PHLDB2: variants seen among roughly 807,000 people sequenced by gnomAD.
PHLDB2 encodes the protein pleckstrin homology like domain family B member 2.
Under a neutral mutation model 123.6 loss-of-function variants are expected in PHLDB2, and 71 were observed. The observed-to-expected ratio is 0.57, with a 90% confidence interval of 0.47 to 0.70. The LOEUF (loss-of-function observed/expected upper bound fraction) is 0.70, where lower values mean the gene tolerates loss of function less well. PHLDB2 is among the 30% of genes least tolerant of loss of function. The pLI, the probability that PHLDB2 is intolerant of heterozygous loss-of-function variation, is 0.00. For synonymous variants in PHLDB2, 547 were observed against 541.6 expected (o/e 1.01, Z -0.14); for missense variants, 1,446 against 1,519.5 (o/e 0.95, Z 0.80).
rs569992771 is a variant in PHLDB2 at position 111,885,562 on chromosome 3, CCTT to C, written c.1335+158_1335+160del. The C allele has an allele frequency of 3.1e-3, 3,154 of 1,003,920 alleles. 11 individuals are homozygous for C. The highest frequency in any genetic ancestry group is 3.5e-3 in the Non-Finnish European group (2,310 of 654,760). 62.2% of individuals were successfully genotyped at this position (1,003,920 alleles called of 1,614,324 possible). Reference sequence around the variant, plus strand: ...CTATCTTTCTCTTCTCTCCTGCTATCCTTCTTCTTCCCATATCACTATTAATAG... The same window carrying C: ...CTATCTTTCTCTTCTCTCCTGCTATCCTTCTTCCCATATCACTATTAATAG... On this transcript the variant is annotated intron_variant, in intron 2 of 17. Transcript: ENST00000431670.
At chr3:111,933,525 C>G (rs763219343) in intron 6 of PHLDB2, among the ~76,000 whole-genome samples, 2 of 152,214 alleles carry the variant, frequency 1.3e-5, no homozygotes, top group African/African-American at 2.4e-5. Flanking sequence ...GCTGTTTAAA[C>G]TGCAGCATAA....
chr3:111,743,934 CTATA>C (rs1338094794), intron 1 of PHLDB2, among the ~76,000 whole-genome samples: 1 of 152,060 alleles, frequency 6.6e-6, no homozygotes, highest in African/African-American at 2.4e-5. Context: ...GGAAGAATAT[CTATA>C]AAAGTTAATT....
chr3:111,739,230 C>T (rs2059558171), intron 1 of PHLDB2, among the ~76,000 whole-genome samples: 1 of 152,118 alleles, frequency 6.6e-6, no homozygotes, highest in South Asian at 2.1e-4. Context: ...AGCTATGCCA[C>T]CTTGAAGATG....
At chr3:111,733,505 A>G (rs968346605) in intron 1 of PHLDB2, among the ~76,000 whole-genome samples, 2 of 152,178 alleles carry the variant, frequency 1.3e-5, no homozygotes, top group Non-Finnish European at 2.9e-5. Flanking sequence ...CCCCAGCTCA[A>G]TGATAAACAA....
intron 1 of PHLDB2, among the ~76,000 whole-genome samples, chr3:111,807,868 G>A (rs2061660880): frequency 6.6e-6 from 1 of 151,846 alleles, no homozygotes; most frequent in South Asian, 2.1e-4. Flanking sequence ...GCTAAATTGG[G>A]AATTATTTGC....
intron 3 of PHLDB2, chr3:111,915,438 C>CA (rs1553749704): frequency 6.6e-6 from 1 of 151,706 alleles, no homozygotes; most frequent in Non-Finnish European, 1.5e-5. Flanking sequence ...TTCTTTCTTT[C>CA]TTTTTTTTTG....
At chr3:111,959,082 A>G (rs2071229053) in intron 12 of PHLDB2, among the ~76,000 whole-genome samples, 1 of 152,240 alleles carries the variant, frequency 6.6e-6, no homozygotes, top group Admixed American at 6.5e-5. Flanking sequence ...CTGCACCAGC[A>G]TCTCTCCTTG....
chr3:111,835,030 G>T (rs1321647108), intron 1 of PHLDB2, among the ~76,000 whole-genome samples: 6 of 152,032 alleles, frequency 3.9e-5, no homozygotes, highest in Non-Finnish European at 8.8e-5. Flanking sequence ...TATGCTTCAA[G>T]ATCCCTCACA....
chr3:111,857,159 G>A (rs992317802), upstream of PHLDB2, among the ~76,000 whole-genome samples: 16 of 152,050 alleles, frequency 1.1e-4, no homozygotes, highest in Non-Finnish European at 2.1e-4. Flanking sequence ...AGTGATAAAG[G>A]GGAAGTAGGA....
chr3:111,735,307 G>A (rs1418081231), intron 1 of PHLDB2, among the ~76,000 whole-genome samples: 2 of 152,160 alleles, frequency 1.3e-5, no homozygotes, highest in African/African-American at 4.8e-5. Flanking sequence ...TCGGCTTGGA[G>A]TCTAAATGGC....
intron 1 of PHLDB2, among the ~76,000 whole-genome samples, chr3:111,867,613 T>C (rs932006560): frequency 6.6e-6 from 1 of 152,182 alleles, no homozygotes; most frequent in East Asian, 1.9e-4. Flanking sequence ...TTTTAAGATA[T>C]ATCATCATCA....
In PHLDB2 at chr3:111,969,693, C is replaced by A; in HGVS notation, c.3319C>A (p.Arg1107Ser). 6.2e-7 allele frequency: 1 copy of A among 1,613,678 alleles called. No homozygotes were observed. Among genetic ancestry groups the A allele is most frequent in the Non-Finnish European group, 8.5e-7 (1 of 1,179,696 alleles). ...AATGGGTTTTGCACTTTTCCAGGCTCGTCCTTTGACACGCTACCTGCCTGT... is the reference window on the plus strand; with the variant it reads ...AATGGGTTTTGCACTTTTCCAGGCTAGTCCTTTGACACGCTACCTGCCTGT... ...KIRERQRAQA[R>S]PLTRYLPVRK... Residue 1107 changes from arginine (R) to serine (S), a missense_variant, in exon 16 of 18, where the codon CGT becomes AGT. Around this residue, in one of 3 missense-constraint regions of PHLDB2, gnomAD observed 594 missense variants for 646.0 expected, o/e 0.92. Coordinates refer to ENST00000431670, the MANE Select transcript of PHLDB2 (RefSeq NM_001134438.2).
chr3:111,974,623 C>A lies in PHLDB2; in HGVS notation c.*60C>A. ...GCAATAATCTCTTACAAGAATGAAGCCATATTCAACCCCAGATGAGAAAAC... is the reference window on the plus strand; with the variant it reads ...GCAATAATCTCTTACAAGAATGAAGACATATTCAACCCCAGATGAGAAAAC... On this transcript the variant is annotated 3_prime_UTR_variant, in exon 18 of 18. Transcript: ENST00000431670. 1 of 1,462,302 alleles carries A rather than the reference C, an allele frequency of 6.8e-7. No homozygotes were observed. Among genetic ancestry groups the A allele is most frequent in the Non-Finnish European group, 9.1e-7 (1 of 1,096,618 alleles). The allele number at this position is 1,462,302 out of a possible 1,614,324, so 90.6% of individuals were successfully genotyped here.
chr3:111,879,561 A>AG (rs2065833073), intron 1 of PHLDB2, among the ~76,000 whole-genome samples: 1 of 152,158 alleles, frequency 6.6e-6, no homozygotes, highest in South Asian at 2.1e-4. Flanking sequence ...AGGAGGTAGA[A>AG]GGGGAGGCAG....
chr3:111,830,986 AAAG>A (rs2062971326), intron 1 of PHLDB2, among the ~76,000 whole-genome samples: 1 of 71,230 alleles, frequency 1.4e-5, no homozygotes, highest in African/African-American at 7.6e-5. Flanking sequence ...AGAAAGAAAG[AAAG>A]AAAGAAAGAA....
intron 1 of PHLDB2, among the ~76,000 whole-genome samples, chr3:111,766,960 C>A (rs931147126): frequency 7.0e-6 from 1 of 141,910 alleles, no homozygotes; most frequent in Non-Finnish European, 1.5e-5. Context: ...GAACGTGAGA[C>A]GCAGAGGTTG....
intron 2 of PHLDB2, among the ~76,000 whole-genome samples, chr3:111,904,417 G>T (rs778765858): frequency 3.9e-5 from 6 of 151,946 alleles, no homozygotes; most frequent in Non-Finnish European, 8.8e-5. Context: ...CCTATTTCTG[G>T]TCATTTTACT....
chr3:111,880,815 C>T (rs1047634000), intron 1 of PHLDB2, among the ~76,000 whole-genome samples: 1 of 152,102 alleles, frequency 6.6e-6, no homozygotes, highest in Non-Finnish European at 1.5e-5. Flanking sequence ...CATCCTTTCT[C>T]CTCAGGGAAT....
chr3:111,771,706 T>C (rs916152547), intron 1 of PHLDB2, among the ~76,000 whole-genome samples: 3 of 152,160 alleles, frequency 2.0e-5, no homozygotes, highest in South Asian at 2.1e-4. Context: ...AATTTCTCCT[T>C]TGTGTAAGGA....
Sources: gnomAD v4.1 joint callset for allele counts (sites outside exome capture counted in the v4.1 genomes callset) on GRCh38, gnomAD v4.1.1 for gene constraint, gnomAD v4.1.1 regional missense constraint, MANE v1.5 for transcripts, NCBI Gene and HGNC (gene_info 2026-07-23, HGNC 2026-07-21) for gene names.